The following ZNF232 variants were observed in gnomAD, a reference collection of about 807,000 sequenced individuals.
ZNF232 encodes zinc finger and SCAN domain-containing protein 11.
ZNF232 carries 25 observed loss-of-function variants against 25.2 expected under a neutral mutation model. The observed-to-expected ratio is 0.99, with a 90% CI of 0.72 to 1.39. The LOEUF is 1.39. Ranked by LOEUF, ZNF232 falls within the 40% of genes most tolerant of loss-of-function variation. ZNF232 has a pLI of 0.00. For synonymous variants in ZNF232, 193 were observed against 182.9 expected (o/e 1.06, Z -0.45); for missense variants, 519 against 520.9 (o/e 1.00, Z 0.04).
upstream of ZNF232, chr17:5,116,751 G>C (rs2072547826): frequency 6.6e-6 from 1 of 152,224 alleles, no homozygotes; most frequent in Non-Finnish European, 1.5e-5. Context: ...GTGAGTCTTT[G>C]GGCAAATTTG....
At chr17:5,118,354 G>C (rs561923666) in intron 1 of ZNF232, 3 of 152,436 alleles carry the variant, frequency 2.0e-5, no homozygotes, top group Non-Finnish European at 2.9e-5. Context: ...AGCTCTTTGC[G>C]GAGCCTGTGA....
chr17:5,111,748 G>C, intron 1 of ZNF232, 52 bp downstream of exon 1: 1 of 1,612,814 alleles, frequency 6.2e-7, no homozygotes, highest in Non-Finnish European at 8.5e-7. Context: ...TGCGGGACGG[G>C]CAAAAGCCAA....
chr17:5,116,716 G>T (rs2072547244), upstream of ZNF232: 1 of 152,272 alleles, frequency 6.6e-6, no homozygotes, highest in African/African-American at 2.4e-5. Flanking sequence ...ACCGGAATTT[G>T]AATTCGTTTC....
intron 1 of ZNF232, among the ~76,000 whole-genome samples, chr17:5,117,927 C>T (rs1441215999): frequency 6.6e-6 from 1 of 151,900 alleles, no homozygotes; most frequent in Non-Finnish European, 1.5e-5. Flanking sequence ...GGTGTACTGG[C>T]ATGCACCTGT....
upstream of ZNF232, chr17:5,114,028 T>C (rs1188390323): frequency 6.6e-6 from 1 of 152,240 alleles, no homozygotes; most frequent in Non-Finnish European, 1.5e-5. Flanking sequence ...GACTAAGTAC[T>C]ATACACTGAA....
At chr17:5,122,313 C>T (rs1212964525) in intron 1 of ZNF232, among the ~76,000 whole-genome samples, 5 of 151,960 alleles carry the variant, frequency 3.3e-5, no homozygotes, top group South Asian at 2.1e-4. Flanking sequence ...TTTCTGGTTC[C>T]GATGACTGTG....
At chr17:5,105,893 T>A in exon 4 of ZNF232, 1 of 1,614,134 alleles carries the variant, frequency 6.2e-7, no homozygotes, top group Non-Finnish European at 8.5e-7. Flanking sequence ...ATCCATAAGC[T>A]TTCCCACATT....
chr17:5,108,793 A>G lies in ZNF232; in HGVS notation c.625+133T>C. Reference sequence around the variant, plus strand: ...ACAGGCAAAGTCTCTCACCTAAGAGATAAGAATAGTAAGGCTGTGATGATA... The same window carrying G: ...ACAGGCAAAGTCTCTCACCTAAGAGGTAAGAATAGTAAGGCTGTGATGATA... On this transcript the variant is annotated intron_variant, in intron 3 of 3. Coordinates refer to ENST00000575898, the Ensembl canonical transcript of ZNF232. 7.1e-6 allele frequency: 10 copies of G among 1,400,984 alleles called. No individual in the cohort carries two copies. In the Middle Eastern group the frequency reaches 7.6e-4, roughly 106 times the overall value. 86.8% of individuals were successfully genotyped at this position (1,400,984 alleles called of 1,614,324 possible).
intron 1 of ZNF232, chr17:5,111,265 C>T (rs993650173): frequency 6.5e-6 from 1 of 154,464 alleles, no homozygotes; most frequent in Non-Finnish European, 1.4e-5. Flanking sequence ...TTCCGTGACT[C>T]AGTTTCCAAG....
exon 4 of ZNF232, chr17:5,106,246 A>G (rs571780393): frequency 2.5e-6 from 4 of 1,614,242 alleles, no homozygotes; most frequent in South Asian, 2.2e-5. Flanking sequence ...CATTCACTAC[A>G]TTCATGGTCT....
At chr17:5,111,506 G>C in intron 1 of ZNF232, 1 of 471,852 alleles carries the variant, frequency 2.1e-6, no homozygotes. Flanking sequence ...GCAGGTGCCC[G>C]CCCGGGGAGG....
upstream of ZNF232, among the ~76,000 whole-genome samples, chr17:5,116,046 G>C (rs1198332409): frequency 2.0e-5 from 3 of 152,242 alleles, no homozygotes; most frequent in Non-Finnish European, 4.4e-5. Flanking sequence ...AGCTAGCGGC[G>C]CGGCGGGACG....
intron 1 of ZNF232, 25 bp from the exon 2 acceptor site, chr17:5,109,893 C>A: frequency 6.4e-7 from 1 of 1,552,604 alleles, no homozygotes. Context: ...GAAATCATTC[C>A]TCTTTTTTTT....
At chr17:5,121,257 A>T (rs1269058248) in intron 1 of ZNF232, 1 of 369,044 alleles carries the variant, frequency 2.7e-6, no homozygotes, top group Admixed American at 3.3e-5. Flanking sequence ...CTTTGTGTGC[A>T]GGTGCCTTTG....
chr17:5,111,960 C>A, upstream of ZNF232: 1 of 1,304,094 alleles, frequency 7.7e-7, no homozygotes, highest in Non-Finnish European at 1.0e-6. Flanking sequence ...TTGGCCCAGG[C>A]GCGTGGGCGC....
At chr17:5,112,564 G>T (rs1258515263), upstream of ZNF232, among the ~76,000 whole-genome samples, 1 of 151,296 alleles carries the variant, frequency 6.6e-6, no homozygotes, top group Non-Finnish European at 1.5e-5. Flanking sequence ...CCATTCTCCT[G>T]CCTCAGCCTC....
At chr17:5,109,460 A>C (rs1449485238) in exon 2 of ZNF232, 1 of 1,614,078 alleles carries the variant, frequency 6.2e-7, no homozygotes, top group Non-Finnish European at 8.5e-7. Context: ...CTCCACTCTT[A>C]GGGTGATGTC....
At chr17:5,115,573 C>CACACACACAG (rs1276772670), upstream of ZNF232, among the ~76,000 whole-genome samples, 1 of 151,800 alleles carries the variant, frequency 6.6e-6, no homozygotes, top group African/African-American at 2.4e-5. Flanking sequence ...CACACACACA[C>CACACACACAG]ACAAAACCCA....
intron 2 of ZNF232, 148 bp downstream of exon 2, chr17:5,109,246 C>T (rs769059918): frequency 4.8e-6 from 6 of 1,239,588 alleles, no homozygotes; most frequent in African/African-American, 3.0e-5. Context: ...GGCTCGAGGG[C>T]AGAAAAGACA....
Sources: allele counts gnomAD v4.1 joint callset (sites outside exome capture counted in the v4.1 genomes callset), GRCh38; gene constraint gnomAD v4.1.1; transcripts MANE v1.5; gene names NCBI Gene and HGNC (gene_info 2026-07-23, HGNC 2026-07-21).